Variants in HMGN5 observed in about 807,000 individuals in gnomAD.
HMGN5 encodes high mobility group nucleosome binding domain 5.
In HMGN5, 4 loss-of-function variants were observed where a neutral mutation model predicts 9.5. That is an observed-to-expected ratio of 0.42 (90% CI 0.21 to 0.96). The LOEUF is 0.96. HMGN5 is among the 40% of genes least tolerant of loss of function. HMGN5 has a pLI of 0.30. For missense variants in HMGN5, 192 were observed against 187.5 expected, an observed-to-expected ratio of 1.02 and a Z score of -0.14; for synonymous variants, 55 against 57.1, an observed-to-expected ratio of 0.96 and a Z score of 0.16.
chrX:81,151,523 A>C (rs1438801849), intron 1 of HMGN5, among the ~76,000 whole-genome samples: 2 of 109,635 alleles, frequency 1.8e-5, no homozygotes, highest in African/African-American at 3.3e-5. Flanking sequence ...CATTGAATCT[A>C]TAAATTACCT....
intron 5 of HMGN5, among the ~76,000 whole-genome samples, chrX:81,117,874 T>C (rs1456894532): frequency 9.0e-6 from 1 of 110,914 alleles, no homozygotes; most frequent in African/African-American, 3.3e-5. Context: ...TTCTTATGTA[T>C]TAAGCAATTA....
rs1437401022 is a variant in HMGN5, at chrX:81,114,105, A to C, written c.*544T>G. ...TCTTTTTATTAAGATAAATCCAGTAAAATTTGTGTATTCACATATAATCAA... is the reference window on the plus strand; with the variant it reads ...TCTTTTTATTAAGATAAATCCAGTACAATTTGTGTATTCACATATAATCAA... On this transcript the variant is annotated 3_prime_UTR_variant, in exon 7 of 7. Coordinates refer to ENST00000358130, the MANE Select transcript of HMGN5 (RefSeq NM_030763.3). 8.9e-6 allele frequency: 1 copy of C among 111,820 alleles called. No homozygotes were observed. Among genetic ancestry groups the C allele is most frequent in the Admixed American group, 9.5e-5 (1 of 10,497 alleles). 9.2% of individuals were successfully genotyped at this position (111,820 alleles called of 1,213,427 possible).
At chrX:81,126,729 T>C (rs1017371521) in intron 1 of HMGN5, among the ~76,000 whole-genome samples, 5 of 111,830 alleles carry the variant, frequency 4.5e-5, no homozygotes, top group African/African-American at 1.6e-4. Flanking sequence ...AATTTATTTA[T>C]ATACATAGTT....
chrX:81,186,896 T>C (rs2075479107), intron 1 of HMGN5, among the ~76,000 whole-genome samples: 1 of 111,443 alleles, frequency 9.0e-6, no homozygotes, highest in African/African-American at 3.3e-5. Context: ...GTATGTTGTG[T>C]TTACATTATC....
chrX:81,187,929 C>A (rs775736197), intron 1 of HMGN5, among the ~76,000 whole-genome samples: 1 of 111,017 alleles, frequency 9.0e-6, no homozygotes, highest in East Asian at 2.8e-4. Flanking sequence ...TCTTATAACC[C>A]ATTATTTTTA....
At chrX:81,144,227 G>T (rs545666189) in intron 1 of HMGN5, among the ~76,000 whole-genome samples, 1 of 111,221 alleles carries the variant, frequency 9.0e-6, no homozygotes, top group African/African-American at 3.3e-5. Flanking sequence ...AGTAGAGGCC[G>T]ACAGACATCT....
At chrX:81,141,226 C>T (rs776357890) in intron 1 of HMGN5, among the ~76,000 whole-genome samples, 113 of 111,880 alleles carry the variant, frequency 1.0e-3, no homozygotes, top group African/African-American at 3.5e-3. Context: ...CACCCAGTGC[C>T]TGGGGGAAGT....
At chrX:81,131,184 A>T (rs138345682) in intron 1 of HMGN5, among the ~76,000 whole-genome samples, 1,289 of 111,611 alleles carry the variant, frequency 0.012, 23 homozygotes, top group African/African-American at 0.04. Flanking sequence ...TGTCCCCGCA[A>T]ATTTTCTTGT....
intron 1 of HMGN5, among the ~76,000 whole-genome samples, chrX:81,189,315 A>G (rs1347340037): frequency 3.6e-5 from 4 of 110,017 alleles, no homozygotes; most frequent in Non-Finnish European, 7.6e-5. Context: ...CTTGTTTTTT[A>G]TTGTTTTTTA....
intron 1 of HMGN5, among the ~76,000 whole-genome samples, chrX:81,191,809 C>T (rs1293722458): frequency 8.9e-6 from 1 of 111,800 alleles, no homozygotes; most frequent in African/African-American, 3.3e-5. Flanking sequence ...TCAGACATGT[C>T]CTAGCTTTCT....
At chrX:81,172,677 C>T (rs763620172) in intron 1 of HMGN5, among the ~76,000 whole-genome samples, 74 of 110,093 alleles carry the variant, frequency 6.7e-4, no homozygotes, top group Middle Eastern at 9.4e-3. Context: ...CTGATAATAT[C>T]AACTACTTTA....
At chrX:81,169,383 T>C (rs1458545949) in intron 1 of HMGN5, among the ~76,000 whole-genome samples, 4 of 111,071 alleles carry the variant, frequency 3.6e-5, no homozygotes, top group African/African-American at 1.3e-4. Context: ...CATGGAAGAG[T>C]ATAATAAAAG....
At chrX:81,119,366 A>T (rs1176199646) in intron 3 of HMGN5, among the ~76,000 whole-genome samples, 1 of 111,801 alleles carries the variant, frequency 8.9e-6, no homozygotes, top group Non-Finnish European at 1.9e-5. Flanking sequence ...ATATATATTT[A>T]ATGCAATAAC....
intron 1 of HMGN5, among the ~76,000 whole-genome samples, chrX:81,144,553 C>A (rs1448977460): frequency 1.8e-5 from 2 of 112,097 alleles, no homozygotes; most frequent in Admixed American, 9.4e-5. Context: ...AAAACCAGCA[C>A]AAAAAGGTTG....
chrX:81,179,944 A>C (rs1224357703), intron 1 of HMGN5, among the ~76,000 whole-genome samples: 1 of 111,796 alleles, frequency 8.9e-6, no homozygotes, highest in East Asian at 2.8e-4. Flanking sequence ...CAAAAACAAG[A>C]AATGGGGAAA....
intron 1 of HMGN5, among the ~76,000 whole-genome samples, chrX:81,189,109 T>C (rs2075486720): frequency 8.9e-6 from 1 of 111,999 alleles, no homozygotes; most frequent in African/African-American, 3.3e-5. Flanking sequence ...TTATTTCTCT[T>C]TTATGTTTCA....
chrX:81,118,472 A>G lies in HMGN5; in HGVS notation c.89T>C (p.Val30Ala). 1 of 1,183,627 alleles carries G rather than the reference A, an allele frequency of 8.4e-7. No individual in the cohort carries two copies. The highest frequency in any genetic ancestry group is 1.1e-6 in the Non-Finnish European group (1 of 875,792). ...SARLSAMLVP[V>A]TPEVKPKRTS... Reference sequence around the variant, plus strand: ...TCTTTTAGGCTTCACCTCTGGTGTAACTGGCACAAGCATCTGCTTCAAGTT... The same window carrying G: ...TCTTTTAGGCTTCACCTCTGGTGTAGCTGGCACAAGCATCTGCTTCAAGTT... Residue 30 changes from valine to alanine, a missense_variant, in exon 5 of 7, where the codon GTT (valine) becomes GCT (alanine). Coordinates refer to ENST00000358130, the MANE Select transcript of HMGN5 (RefSeq NM_030763.3).
chrX:81,182,049 C>T (rs992817627), intron 1 of HMGN5, among the ~76,000 whole-genome samples: 6 of 111,615 alleles, frequency 5.4e-5, no homozygotes, highest in African/African-American at 2.0e-4. Flanking sequence ...GTTGTACTCA[C>T]TTACATTACT....
chrX:81,200,078 T>C (rs915878217), intron 1 of HMGN5, among the ~76,000 whole-genome samples: 2 of 112,401 alleles, frequency 1.8e-5, no homozygotes, highest in Non-Finnish European at 3.8e-5. Context: ...TGAACAGACA[T>C]TTCTCAAAAG....
Sources: gnomAD v4.1 joint callset for allele counts (sites outside exome capture counted in the v4.1 genomes callset) on GRCh38, gnomAD v4.1.1 for gene constraint, MANE v1.5 for transcripts, NCBI Gene and HGNC (gene_info 2026-07-23, HGNC 2026-07-21) for gene names.